IWS1: variants seen among roughly 807,000 people sequenced by gnomAD.
IWS1 encodes protein IWS1 homolog.
In IWS1, 27 loss-of-function variants were observed where a neutral mutation model predicts 86.7. That is an observed-to-expected ratio of 0.31 (90% CI 0.23 to 0.43). The LOEUF is 0.43. Ranked by LOEUF, IWS1 falls within the 20% of genes least tolerant of loss-of-function variation. The pLI, the probability that IWS1 is intolerant of heterozygous loss-of-function variation, is 1.00. For synonymous variants in IWS1, 313 were observed against 335.1 expected, an observed-to-expected ratio of 0.93 and a Z score of 0.72; for missense variants, 827 against 1,000.8, an observed-to-expected ratio of 0.83 and a Z score of 2.34.
At chr2:127,483,035 A>G (rs1689716037) in intron 13 of IWS1, 1 of 152,242 alleles carries the variant, frequency 6.6e-6, no homozygotes, top group South Asian at 2.1e-4. Context: ...TCGCTTGAAA[A>G]AAAAACAAAA....
At chr2:127,507,261 A>G (rs929147384) in intron 2 of IWS1, among the ~76,000 whole-genome samples, 2 of 152,234 alleles carry the variant, frequency 1.3e-5, no homozygotes, top group African/African-American at 4.8e-5. Context: ...AAATTCAAAA[A>G]GAATATGAAA....
At chr2:127,492,115 TATTA>T (rs763166822) in intron 9 of IWS1, 27 bp from the exon 10 acceptor site, 2 of 1,432,292 alleles carry the variant, frequency 1.4e-6, no homozygotes, top group South Asian at 2.3e-5. Flanking sequence ...CATACACACA[TATTA>T]ATCACTCGGA....
At chr2:127,500,885 G>C (rs1387760723) in intron 5 of IWS1, among the ~76,000 whole-genome samples, 2 of 151,602 alleles carry the variant, frequency 1.3e-5, no homozygotes, top group Admixed American at 1.3e-4. Context: ...TTTTAGTCTT[G>C]TTAGTGGTCA....
intron 4 of IWS1, 23 bp downstream of exon 4, chr2:127,503,364 A>G (rs1367792408): frequency 1.3e-6 from 2 of 1,577,174 alleles, no homozygotes; most frequent in Non-Finnish European, 1.7e-6. Context: ...ACCCCTGAAA[A>G]CTCATGTTAT....
At chr2:127,522,631 CT>C (rs1692161451) in intron 2 of IWS1, among the ~76,000 whole-genome samples, 1 of 152,192 alleles carries the variant, frequency 6.6e-6, no homozygotes, top group African/African-American at 2.4e-5. Flanking sequence ...ATCACACCTA[CT>C]AAAAATTGGA....
chr2:127,526,422 G>A lies in IWS1; in HGVS notation c.-214C>T. 6.5e-7 allele frequency: 1 copy of A among 1,536,110 alleles called. No homozygotes were observed. Reference sequence around the variant, plus strand: ...GGAAAAGGCCGTACCCGGCAGGCTGGCGGGCGGGCAGGCATGCGAGCCGGC... The same window carrying A: ...GGAAAAGGCCGTACCCGGCAGGCTGACGGGCGGGCAGGCATGCGAGCCGGC... On this transcript the variant is annotated 5_prime_UTR_variant, in exon 1 of 14. Transcript: ENST00000295321.
In IWS1 at chr2:127,505,817, A is replaced by C; in HGVS notation, c.151-65T>G. ...AAAAAAAAACCATTAATAATAAAACATTAAATTTTTTCTGTGATTTTTTTA... is the reference window on the plus strand; with the variant it reads ...AAAAAAAAACCATTAATAATAAAACCTTAAATTTTTTCTGTGATTTTTTTA... On this transcript the variant is annotated intron_variant, in intron 2 of 13. Transcript: ENST00000295321. This position sits in a 1 kb window ranked among gnomAD's most constrained non-coding sequence, Gnocchi z 5.0. 9.1e-7 allele frequency: 1 copy of C among 1,097,650 alleles called. No homozygotes were observed. The highest frequency in any genetic ancestry group is 1.3e-6 in the Non-Finnish European group (1 of 780,980). 68.0% of individuals were successfully genotyped at this position (1,097,650 alleles called of 1,614,324 possible).
rs79634259 is a variant in IWS1, at chr2:127,490,635, A to G, written c.2048-692T>C. Reference sequence around the variant, plus strand: ...CACAAAGAAGGAAGCAGGGATTCTCAGGGGGTCCACGTATCTTTTAAAACC... The same window carrying G: ...CACAAAGAAGGAAGCAGGGATTCTCGGGGGGTCCACGTATCTTTTAAAACC... On this transcript the variant is annotated intron_variant, in intron 10 of 13. Coordinates refer to ENST00000295321, the MANE Select transcript of IWS1 (RefSeq NM_017969.3). Among the ~76,000 whole-genome samples the G allele has an allele frequency of 1.2e-4, 18 of 152,328 alleles. No homozygotes were observed. The East Asian group carries it at 3.5e-3, about 29-fold the overall frequency.
chr2:127,494,245 TAAAAAAAAAAA>T (rs11327472), intron 8 of IWS1, among the ~76,000 whole-genome samples: 2 of 94,090 alleles, frequency 2.1e-5, no homozygotes, highest in African/African-American at 8.5e-5. Flanking sequence ...TGTCTCTAAT[TAAAAAAAAAAA>T]AAAAAAAAAA....
At position 127,489,973 on chromosome 2, in the gene IWS1, T is replaced by A. The variant is rs1173663465; in HGVS notation, c.2048-30A>T. ...AGTAAGAAAAAAATCAATTATTTTG[T>A]CCATAAAATTGCATTTCCATTTTTT... is the stretch of plus-strand genomic sequence containing the variant. On this transcript the variant is annotated intron_variant, in intron 10 of 13. Coordinates refer to ENST00000295321, the MANE Select transcript of IWS1 (RefSeq NM_017969.3). The surrounding 1 kb of genome is among the most constrained non-coding windows in gnomAD (Gnocchi z 4.8). 3 of 1,253,706 alleles carry A rather than the reference T, an allele frequency of 2.4e-6. No individual in the cohort carries two copies. The East Asian group carries it at 6.9e-5, about 29-fold the overall frequency. The allele number at this position is 1,253,706 out of a possible 1,614,324, so 77.7% of individuals were successfully genotyped here. A position where few individuals can be genotyped will look rare whatever the true frequency, so the allele number is the denominator to read the frequency against.
At chr2:127,486,773 C>T (rs549107807) in intron 12 of IWS1, 109 bp from the exon 13 acceptor site, 147 of 819,136 alleles carry the variant, frequency 1.8e-4, no homozygotes, top group Non-Finnish European at 2.7e-4. Context: ...CTGCAATGTT[C>T]GAAACTCCTC....
chr2:127,489,904 T>A lies in IWS1; in HGVS notation c.2087A>T (p.Tyr696Phe). ...SRPIFGLTSN[Y>F]KGMTREEREQ... is the part of the protein sequence containing the mutation. Reference sequence around the variant, plus strand: ...CCTTTCTTCTCTTGTCATTCCTTTGTAGTTTGAGGTAAGACCAAATATAGG... The same window carrying A: ...CCTTTCTTCTCTTGTCATTCCTTTGAAGTTTGAGGTAAGACCAAATATAGG... The change falls in exon 11 of 14, where the codon TAC becomes TTC. Residue 696 changes from tyrosine (Y) to phenylalanine (F), a missense_variant. Tyr to Phe is a conservative substitution (Grantham distance 22, BLOSUM62 3). Around this residue, in one of 2 missense-constraint regions of IWS1, gnomAD observed 279 missense variants for 440.6 expected, o/e 0.63. Transcript: ENST00000295321. This position sits in a 1 kb window ranked among gnomAD's most constrained non-coding sequence, Gnocchi z 4.8. 6.2e-7 allele frequency: 1 copy of A among 1,611,904 alleles called. No homozygotes were observed. The highest frequency in any genetic ancestry group is 8.5e-7 in the Non-Finnish European group (1 of 1,177,972).
chr2:127,501,453 C>T (rs1365137605), intron 5 of IWS1, among the ~76,000 whole-genome samples: 1 of 152,126 alleles, frequency 6.6e-6, no homozygotes, highest in Non-Finnish European at 1.5e-5. Flanking sequence ...ATGTGTACAA[C>T]TTCGAGAATC....
At position 127,517,844 on chromosome 2, in the gene IWS1, C is replaced by T. The variant is rs140236703; in HGVS notation, c.150+5832G>A. Among the ~76,000 whole-genome samples, 43 of 152,204 alleles carry T rather than the reference C, an allele frequency of 2.8e-4. No individual in the cohort carries two copies. The Middle Eastern group carries it at 0.017, about 61-fold the overall frequency. ...TGTCATCAGCTGATGAATGGATAAG[C>T]AAAATATAGTATATCCATATAATGG... On this transcript the variant is annotated intron_variant, in intron 2 of 13. Coordinates refer to ENST00000295321, the MANE Select transcript of IWS1 (RefSeq NM_017969.3).
At chr2:127,520,052 T>C (rs1314385438) in intron 2 of IWS1, among the ~76,000 whole-genome samples, 2 of 152,196 alleles carry the variant, frequency 1.3e-5, no homozygotes, top group Non-Finnish European at 2.9e-5. Context: ...TCCAGAATTA[T>C]AAGATAATAA....
chr2:127,521,599 T>C (rs1270501562), intron 2 of IWS1, among the ~76,000 whole-genome samples: 1 of 152,158 alleles, frequency 6.6e-6, no homozygotes, highest in Non-Finnish European at 1.5e-5. Context: ...AGACCTACGG[T>C]TGGACAAAAT....
chr2:127,527,096 G>T (rs1692465423), upstream of IWS1, among the ~76,000 whole-genome samples: 1 of 152,200 alleles, frequency 6.6e-6, no homozygotes, highest in Non-Finnish European at 1.5e-5. Flanking sequence ...CCTGAGCCCT[G>T]TGTTCCTGGA....
At chr2:127,510,557 A>AC (rs1691393442) in intron 2 of IWS1, among the ~76,000 whole-genome samples, 1 of 152,160 alleles carries the variant, frequency 6.6e-6, no homozygotes, top group African/African-American at 2.4e-5. Flanking sequence ...CAGTAGCATA[A>AC]CCATAGCTCA....
At position 127,516,728 on chromosome 2, in the gene IWS1, C is replaced by T. The variant is rs188822371; in HGVS notation, c.150+6948G>A. Among the ~76,000 whole-genome samples, 8 of 152,204 alleles carry T rather than the reference C, an allele frequency of 5.3e-5. No individual in the cohort carries two copies. In the East Asian group the frequency reaches 1.2e-3, roughly 22 times the overall value. ...ATGAGCCATAATTTTTTCACATGCC[C>T]GCTGTGTCAAAGTGAGCCACAAATA... On this transcript the variant is annotated intron_variant, in intron 2 of 13. Transcript: ENST00000295321.
Sources: gnomAD v4.1 joint callset for allele counts (sites outside exome capture counted in the v4.1 genomes callset) on GRCh38, gnomAD v4.1.1 for gene constraint, gnomAD v4.1.1 regional missense constraint, Gnocchi (gnomAD v3.1) non-coding constraint, MANE v1.5 for transcripts, NCBI Gene and HGNC (gene_info 2026-07-23, HGNC 2026-07-21) for gene names.